Variants in CCDC91 observed in about 807,000 individuals in gnomAD.
CCDC91 encodes coiled-coil domain-containing protein 91.
A neutral mutation model predicts 63.2 loss-of-function variants in CCDC91; 48 were observed. That is an observed-to-expected ratio of 0.76 (90% CI 0.60 to 0.97). The LOEUF (loss-of-function observed/expected upper bound fraction) is 0.97. Among genes scored for constraint, CCDC91 ranks in the 50% least tolerant of loss-of-function variants. The pLI is 0.00. For missense variants in CCDC91, 500 were observed against 494.6 expected, an observed-to-expected ratio of 1.01 and a Z score of -0.10; for synonymous variants, 167 against 165.8, an observed-to-expected ratio of 1.01 and a Z score of -0.06.
chr12:28,502,084 G>C (rs11049675), intron 12 of CCDC91, among the ~76,000 whole-genome samples: 31,693 of 151,700 alleles, frequency 0.21, 4,336 homozygotes, highest in Non-Finnish European at 0.31. Flanking sequence ...GCGTCTATTT[G>C]ATTCTTCTCT....
intron 3 of CCDC91, among the ~76,000 whole-genome samples, chr12:28,284,795 G>A (rs911223817): frequency 6.6e-6 from 1 of 152,190 alleles, no homozygotes; most frequent in Non-Finnish European, 1.5e-5. Context: ...TCAACAGTGA[G>A]GATTAAAGAT....
At chr12:28,475,840 C>CT (rs924575066) in intron 11 of CCDC91, among the ~76,000 whole-genome samples, 24 of 151,940 alleles carry the variant, frequency 1.6e-4, no homozygotes, top group Admixed American at 1.3e-4. Context: ...ATAAATTACC[C>CT]AGTCTGTGAT....
At chr12:28,473,386 A>G (rs939777964) in intron 11 of CCDC91, among the ~76,000 whole-genome samples, 18 of 152,336 alleles carry the variant, frequency 1.2e-4, no homozygotes, top group Admixed American at 9.2e-4. Flanking sequence ...TCAGTAATAC[A>G]TGGTGAATTC....
chr12:28,211,564 T>C (rs953861562), intron 1 of CCDC91, among the ~76,000 whole-genome samples: 2 of 152,188 alleles, frequency 1.3e-5, no homozygotes, highest in Admixed American at 6.5e-5. Flanking sequence ...TAAATGCACT[T>C]CTGTAGATTG....
intron 7 of CCDC91, among the ~76,000 whole-genome samples, chr12:28,390,299 A>AT (rs137933073): frequency 0.022 from 3,252 of 150,038 alleles, 124 homozygotes; most frequent in African/African-American, 0.071. Flanking sequence ...GATTTGGCTG[A>AT]TTTTTTTTTT....
At chr12:28,499,984 C>G (rs979519417) in intron 12 of CCDC91, among the ~76,000 whole-genome samples, 2 of 152,124 alleles carry the variant, frequency 1.3e-5, no homozygotes, top group Non-Finnish European at 2.9e-5. Flanking sequence ...GTTCCTGTTT[C>G]TCCACATCCT....
chr12:28,355,708 A>G (rs893063785), intron 6 of CCDC91, among the ~76,000 whole-genome samples: 4 of 152,172 alleles, frequency 2.6e-5, no homozygotes, highest in South Asian at 2.1e-4. Flanking sequence ...GGTCCTTTGC[A>G]TACCTTCCTC....
chr12:28,456,716 T>G (rs1215752541), intron 11 of CCDC91, among the ~76,000 whole-genome samples: 19 of 152,012 alleles, frequency 1.2e-4, no homozygotes, highest in Admixed American at 1.2e-3. Context: ...TTTACTGAGG[T>G]GAGAAAAGGT....
At chr12:28,536,999 G>T (rs1044251175) in intron 12 of CCDC91, among the ~76,000 whole-genome samples, 3 of 151,804 alleles carry the variant, frequency 2.0e-5, no homozygotes, top group African/African-American at 4.8e-5. Flanking sequence ...CTTGTTCTGG[G>T]GAAAACCTAC....
chr12:28,485,646 A>G (rs978145709), intron 12 of CCDC91, among the ~76,000 whole-genome samples: 1 of 152,174 alleles, frequency 6.6e-6, no homozygotes, highest in Non-Finnish European at 1.5e-5. Flanking sequence ...AAATCTTTGT[A>G]CAGTTTACCT....
chr12:28,273,953 C>T (rs936217644), intron 3 of CCDC91, among the ~76,000 whole-genome samples: 13 of 152,130 alleles, frequency 8.5e-5, no homozygotes, highest in Non-Finnish European at 1.2e-4. Context: ...AGGTTTTCTT[C>T]TAGGGTTTTT....
At chr12:28,329,915 T>C (rs1398825503) in intron 6 of CCDC91, among the ~76,000 whole-genome samples, 1 of 152,162 alleles carries the variant, frequency 6.6e-6, no homozygotes. Flanking sequence ...GGTTTCCAGC[T>C]TCATCCATGT....
intron 3 of CCDC91, among the ~76,000 whole-genome samples, chr12:28,273,713 T>G (rs10843147): frequency 0.88 from 127,536 of 145,676 alleles, 57,229 homozygotes; most frequent in East Asian, 0.99. Flanking sequence ...TAAATTTGTT[T>G]GAGTTCATTG....
rs901041495 is a variant in CCDC91, at chr12:28,519,459, G to A, written c.1216-29604G>A. Among the ~76,000 whole-genome samples the A allele has an allele frequency of 5.9e-5, 9 of 151,944 alleles. 1 individual carries two copies. The highest frequency in any genetic ancestry group is 2.2e-4 in the African/African-American group (9 of 41,408). On this transcript the variant is annotated intron_variant, in intron 12 of 12. Coordinates refer to ENST00000536442, the MANE Select transcript of CCDC91 (RefSeq NM_018318.5). ...TTTTGTCAGTTCTAGAAGCTGTCTGGAGGAGTCTTTAGGGTTTTCTAGGTA... is the reference window on the plus strand; with the variant it reads ...TTTTGTCAGTTCTAGAAGCTGTCTGAAGGAGTCTTTAGGGTTTTCTAGGTA...
chr12:28,204,222 G>A (rs1942678564), intron 1 of CCDC91, among the ~76,000 whole-genome samples: 1 of 152,176 alleles, frequency 6.6e-6, no homozygotes, highest in African/African-American at 2.4e-5. Context: ...GGGTTAAAAT[G>A]TAGCTGTATT....
chr12:28,544,562 T>A (rs1362040678), intron 12 of CCDC91, among the ~76,000 whole-genome samples: 1 of 152,048 alleles, frequency 6.6e-6, no homozygotes, highest in Non-Finnish European at 1.5e-5. Context: ...ATTTTGTTGG[T>A]AGAAGCTCAA....
At chr12:28,232,212 T>C (rs760726406) in intron 1 of CCDC91, among the ~76,000 whole-genome samples, 5 of 152,180 alleles carry the variant, frequency 3.3e-5, no homozygotes, top group Non-Finnish European at 4.4e-5. Flanking sequence ...GAAAATTTCT[T>C]GGAAACACAT....
chr12:28,439,733 CTTTTTTTTT>C (rs71438747), intron 8 of CCDC91, among the ~76,000 whole-genome samples: 10 of 133,040 alleles, frequency 7.5e-5, no homozygotes, highest in Non-Finnish European at 1.3e-4. Context: ...TTTCTTTTTT[CTTTTTTTTT>C]TTTTTTAACA....
intron 3 of CCDC91, chr12:28,304,779 A>T (rs1443735177): frequency 6.6e-5 from 32 of 483,596 alleles, no homozygotes; most frequent in South Asian, 3.3e-4. Flanking sequence ...CTTTCCTTAA[A>T]TTTTAAAATA....
Sources: allele counts gnomAD v4.1 joint callset (sites outside exome capture counted in the v4.1 genomes callset), GRCh38; gene constraint gnomAD v4.1.1; transcripts MANE v1.5; gene names NCBI Gene and HGNC (gene_info 2026-07-23, HGNC 2026-07-21).